IQCH: variants seen among roughly 807,000 people sequenced by gnomAD.
The protein encoded by IQCH is IQ domain-containing protein H.
Under a neutral mutation model 117.0 loss-of-function variants are expected in IQCH, and 98 were observed. The observed-to-expected ratio is 0.84, with a 90% CI of 0.71 to 0.99. IQCH has a LOEUF of 0.99. Among genes scored for constraint, IQCH ranks in the 50% least tolerant of loss-of-function variants. The probability of loss-of-function intolerance (pLI) is 0.00; values close to 1 mark genes in which losing one functional copy is unlikely to be tolerated. For missense variants in IQCH, 1,102 were observed against 1,243.8 expected (o/e 0.89, Z 1.72); for synonymous variants, 412 against 448.2 (o/e 0.92, Z 1.02).
At chr15:67,358,887 T>C (rs1041518143) in intron 7 of IQCH, among the ~76,000 whole-genome samples, 3 of 152,216 alleles carry the variant, frequency 2.0e-5, no homozygotes, top group African/African-American at 7.2e-5. Flanking sequence ...TGTGTCCCCT[T>C]AAGAGATTTC....
rs150786822 is a variant in IQCH, at chr15:67,321,370, C to A, written c.388-15605C>A. Among the ~76,000 whole-genome samples, 5 of 152,266 alleles carry A rather than the reference C, an allele frequency of 3.3e-5. No individual in the cohort carries two copies. In the East Asian group the frequency reaches 9.6e-4, roughly 29 times the overall value. On this transcript the variant is annotated intron_variant, in intron 4 of 20. Coordinates refer to ENST00000335894, the MANE Select transcript of IQCH (RefSeq NM_001031715.3). ...GCTGCTAGAACTACCCTTTTATCAT[C>A]CTAAAACCCCTTCCAGCTCTGCAAA...
At chr15:67,302,282 C>A (rs1393533075) in intron 4 of IQCH, among the ~76,000 whole-genome samples, 1 of 152,086 alleles carries the variant, frequency 6.6e-6, no homozygotes. Flanking sequence ...ATTTCCCAAT[C>A]CTTGGTAGAA....
At chr15:67,279,947 C>G (rs956197) in intron 4 of IQCH, among the ~76,000 whole-genome samples, 1 of 151,536 alleles carries the variant, frequency 6.6e-6, no homozygotes, top group African/African-American at 2.4e-5. Context: ...ACCCGGGAGG[C>G]GGAACTTTCA....
intron 3 of IQCH, among the ~76,000 whole-genome samples, chr15:67,267,040 G>C (rs932137004): frequency 2.6e-5 from 4 of 152,224 alleles, no homozygotes; most frequent in African/African-American, 9.7e-5. Flanking sequence ...AATGCGCTGA[G>C]AGCAGACGCA....
rs1027434106 is a variant in IQCH, at chr15:67,467,308, G to A, written c.2676+2011G>A. Reference sequence around the variant, plus strand: ...GACAATTGCAGCTTTGAAGTATGTTGCTTCAGAAGGCTATCAGCAGAAGTT... The same window carrying A: ...GACAATTGCAGCTTTGAAGTATGTTACTTCAGAAGGCTATCAGCAGAAGTT... On this transcript the variant is annotated intron_variant, in intron 17 of 20. Coordinates refer to ENST00000335894, the MANE Select transcript of IQCH (RefSeq NM_001031715.3). This position sits in a 1 kb window ranked among gnomAD's most constrained non-coding sequence, Gnocchi z 5.7. Among the ~76,000 whole-genome samples, 1 of 152,354 alleles carries A rather than the reference G, an allele frequency of 6.6e-6. No individual in the cohort carries two copies. Among genetic ancestry groups the A allele is most frequent in the East Asian group, 1.9e-4 (1 of 5,184 alleles).
chr15:67,440,081 C>T (rs756041448), intron 16 of IQCH, among the ~76,000 whole-genome samples: 3 of 152,072 alleles, frequency 2.0e-5, no homozygotes, highest in Non-Finnish European at 4.4e-5. Flanking sequence ...TTGAAGGCTA[C>T]TATGACCACC....
At chr15:67,442,274 G>A (rs2082288544) in intron 16 of IQCH, among the ~76,000 whole-genome samples, 1 of 152,038 alleles carries the variant, frequency 6.6e-6, no homozygotes, top group Non-Finnish European at 1.5e-5. Flanking sequence ...GCCAGGCATG[G>A]TGGTGCGTGC....
At position 67,262,983 on chromosome 15, in the gene IQCH, T is replaced by C. The variant is rs1965520879; in HGVS notation, c.175-139T>C. Reference sequence around the variant, plus strand: ...AATTTGGCCTTGAGATGCCTAATGATACCTTAGGCACGTAATAATACATAG... The same window carrying C: ...AATTTGGCCTTGAGATGCCTAATGACACCTTAGGCACGTAATAATACATAG... On this transcript the variant is annotated intron_variant, in intron 2 of 20. Coordinates refer to ENST00000335894, the MANE Select transcript of IQCH (RefSeq NM_001031715.3). 3 of 635,956 alleles carry C rather than the reference T, an allele frequency of 4.7e-6. No individual in the cohort carries two copies. The South Asian group carries it at 5.2e-5, about 11-fold the overall frequency. 39.4% of individuals were successfully genotyped at this position (635,956 alleles called of 1,614,324 possible).
At chr15:67,302,055 C>A (rs1967071865) in intron 4 of IQCH, among the ~76,000 whole-genome samples, 1 of 152,072 alleles carries the variant, frequency 6.6e-6, no homozygotes, top group African/African-American at 2.4e-5. Flanking sequence ...TTGGCCATTT[C>A]CTCCCTACAC....
chr15:67,344,174 G>T lies in IQCH; in HGVS notation c.620G>T (p.Arg207Leu), dbSNP rs371149945. Residue 207 changes from arginine to leucine, a missense_variant, in exon 6 of 21, where the codon CGT becomes CTT. Physicochemically the swap from Arg to Leu is moderately radical, Grantham distance 102. This residue lies in a region of IQCH where 452 missense variants were observed against 449.6 expected (regional missense o/e 1.01). Coordinates refer to ENST00000335894, the MANE Select transcript of IQCH (RefSeq NM_001031715.3). Reference protein sequence around the residue: ...AAPLHSFDEARKIPTVATFTI... With the variant: ...AAPLHSFDEALKIPTVATFTI... ...CCTCTGCATAGTTTTGATGAAGCACGTAAGATTCCAACTGTAGGTAAGATA... is the reference window on the plus strand; with the variant it reads ...CCTCTGCATAGTTTTGATGAAGCACTTAAGATTCCAACTGTAGGTAAGATA... 10 of 1,613,210 alleles carry T rather than the reference G, an allele frequency of 6.2e-6. No individual in the cohort carries two copies. Among genetic ancestry groups the T allele is most frequent in the Non-Finnish European group, 8.5e-6 (10 of 1,179,584 alleles).
chr15:67,331,943 T>C lies in IQCH; in HGVS notation c.388-5032T>C, dbSNP rs1008439981. Among the ~76,000 whole-genome samples the C allele has an allele frequency of 2.0e-5, 3 of 152,180 alleles. No homozygotes were observed. The East Asian group carries it at 5.8e-4, about 29-fold the overall frequency. On this transcript the variant is annotated intron_variant, in intron 4 of 20. Coordinates refer to ENST00000335894, the MANE Select transcript of IQCH (RefSeq NM_001031715.3). ...GCTGGAATTTGGTCACTGGTCCACA[T>C]TTAGCCACAGGGGATGCTGGGAAAT...
intron 5 of IQCH, among the ~76,000 whole-genome samples, chr15:67,341,542 G>A (rs1969175361): frequency 6.6e-6 from 1 of 152,160 alleles, no homozygotes; most frequent in African/African-American, 2.4e-5. Flanking sequence ...TGGGGGCCAA[G>A]AAAAATCATG....
chr15:67,466,272 C>T lies in IQCH; in HGVS notation c.2676+975C>T, dbSNP rs2082931329. 6.6e-6 allele frequency among the ~76,000 whole-genome samples: 1 copy of T among 152,150 alleles called. No individual in the cohort carries two copies. The highest frequency in any genetic ancestry group is 2.4e-5 in the African/African-American group (1 of 41,430). ...CTAGGTTGGTCATGGAGAGAGAGAACAAAGGCCAAGGGGACCAGATGCCCT... is the reference window on the plus strand; with the variant it reads ...CTAGGTTGGTCATGGAGAGAGAGAATAAAGGCCAAGGGGACCAGATGCCCT... On this transcript the variant is annotated intron_variant, in intron 17 of 20. Transcript: ENST00000335894. The surrounding 1 kb of genome is among the most constrained non-coding windows in gnomAD (Gnocchi z 4.4).
At chr15:67,412,353 A>C (rs1018027787) in intron 14 of IQCH, among the ~76,000 whole-genome samples, 1 of 152,118 alleles carries the variant, frequency 6.6e-6, no homozygotes, top group Non-Finnish European at 1.5e-5. Flanking sequence ...TTGTTACTCA[A>C]TGCAAAGCAA....
intron 3 of IQCH, among the ~76,000 whole-genome samples, chr15:67,271,211 G>A (rs1192576704): frequency 2.6e-5 from 4 of 152,122 alleles, no homozygotes; most frequent in Admixed American, 6.5e-5. Flanking sequence ...GTTGTGATCC[G>A]CCCAGCTTGG....
rs1449285844 is a variant in IQCH at position 67,467,705 on chromosome 15, C to T, written c.2676+2408C>T. On this transcript the variant is annotated intron_variant, in intron 17 of 20. Transcript: ENST00000335894. This position sits in a 1 kb window ranked among gnomAD's most constrained non-coding sequence, Gnocchi z 5.7. Reference sequence around the variant, plus strand: ...CACGCGGTACAACTCACAAGCAAATCGAAGCTTCCTGAACAAGTGTGAACA... The same window carrying T: ...CACGCGGTACAACTCACAAGCAAATTGAAGCTTCCTGAACAAGTGTGAACA... 3.9e-5 allele frequency among the ~76,000 whole-genome samples: 6 copies of T among 152,152 alleles called. No homozygotes were observed. In the South Asian group the frequency reaches 8.3e-4, roughly 21 times the overall value.
At chr15:67,339,278 G>A (rs1969037109) in intron 5 of IQCH, among the ~76,000 whole-genome samples, 1 of 152,074 alleles carries the variant, frequency 6.6e-6, no homozygotes, top group Admixed American at 6.6e-5. Flanking sequence ...TAAAACAATG[G>A]TGTTAAAGGA....
Position 67,379,753 on chromosome 15 carries a change from T to TTTCC in IQCH, c.1373-5182_1373-5179dup, listed in dbSNP as rs1970859160. ...TGCCACCATGTGAAGAAGGTCTTTG[T>TTTCC]TTCCCCTTCACCTTCCGCCATGATT... On this transcript the variant is annotated intron_variant, in intron 10 of 20. Coordinates refer to ENST00000335894, the MANE Select transcript of IQCH (RefSeq NM_001031715.3). Among the ~76,000 whole-genome samples the TTTCC allele has an allele frequency of 2.0e-5, 3 of 152,210 alleles. 1 individual carries two copies. Among genetic ancestry groups the TTTCC allele is most frequent in the Admixed American group, 2.0e-4 (3 of 15,274 alleles).
chr15:67,334,647 G>A (rs756315130), intron 4 of IQCH, among the ~76,000 whole-genome samples: 1 of 152,154 alleles, frequency 6.6e-6, no homozygotes, highest in Non-Finnish European at 1.5e-5. Context: ...CCTATTCTGA[G>A]TTAATTGCCC....
Sources: gnomAD v4.1 joint callset for allele counts (sites outside exome capture counted in the v4.1 genomes callset) on GRCh38, gnomAD v4.1.1 for gene constraint, gnomAD v4.1.1 regional missense constraint, Gnocchi (gnomAD v3.1) non-coding constraint, MANE v1.5 for transcripts, NCBI Gene and HGNC (gene_info 2026-07-23, HGNC 2026-07-21) for gene names.